The following XYLT1 variants were observed in gnomAD, a reference collection of about 807,000 sequenced individuals.
XYLT1 encodes beta-D-xylosyltransferase 1.
A neutral mutation model predicts 91.3 loss-of-function variants in XYLT1; 36 were observed. The ratio of observed to expected loss-of-function variants is 0.39; its 90% CI spans 0.30 to 0.52. XYLT1 has a LOEUF of 0.52. XYLT1 is among the 20% of genes least tolerant of loss of function. The pLI, the probability that XYLT1 is intolerant of heterozygous loss-of-function variation, is 0.68. For missense variants in XYLT1, 1,242 were observed against 1,284.5 expected (o/e 0.97, Z 0.51); for synonymous variants, 588 against 532.0 (o/e 1.11, Z -1.45).
chr16:17,168,782 T>C (rs2031757975), intron 5 of XYLT1, among the ~76,000 whole-genome samples: 1 of 152,056 alleles, frequency 6.6e-6, no homozygotes, highest in African/African-American at 2.4e-5. Context: ...GCCTCCAGGC[T>C]CCTCTTTACC....
chr16:17,218,212 C>T (rs892259194), intron 3 of XYLT1, among the ~76,000 whole-genome samples: 3 of 151,980 alleles, frequency 2.0e-5, no homozygotes, highest in Non-Finnish European at 1.5e-5. Flanking sequence ...GAGCCAAAAT[C>T]ACACCACTGC....
At chr16:17,130,021 C>T (rs2030411322) in intron 9 of XYLT1, among the ~76,000 whole-genome samples, 1 of 152,242 alleles carries the variant, frequency 6.6e-6, no homozygotes, top group Non-Finnish European at 1.5e-5. Flanking sequence ...TTGCACATTT[C>T]TGTTTGCTTT....
intron 5 of XYLT1, among the ~76,000 whole-genome samples, chr16:17,164,840 G>A (rs1451830938): frequency 2.6e-5 from 4 of 152,186 alleles, no homozygotes; most frequent in African/African-American, 9.7e-5. Flanking sequence ...AGGCACATAT[G>A]GAAGAGGTCA....
chr16:17,450,017 G>C (rs76540163), intron 1 of XYLT1, among the ~76,000 whole-genome samples: 2,883 of 152,288 alleles, frequency 0.019, 39 homozygotes, highest in Non-Finnish European at 0.03. Flanking sequence ...TCCAAGACCA[G>C]CTATGATGGT....
At chr16:17,398,336 G>A (rs1031115937) in intron 1 of XYLT1, among the ~76,000 whole-genome samples, 1 of 152,200 alleles carries the variant, frequency 6.6e-6, no homozygotes, top group Non-Finnish European at 1.5e-5. Context: ...CACAGGGAGG[G>A]TGTTACCTGT....
At chr16:17,142,773 C>T (rs891689646) in intron 6 of XYLT1, among the ~76,000 whole-genome samples, 4 of 152,078 alleles carry the variant, frequency 2.6e-5, no homozygotes, top group East Asian at 3.9e-4. Context: ...TAGTGGTGAG[C>T]ATAAATGATA....
At chr16:17,379,760 C>CTCTCTCTT (rs1342828769) in intron 1 of XYLT1, among the ~76,000 whole-genome samples, 1 of 139,552 alleles carries the variant, frequency 7.2e-6, no homozygotes, top group African/African-American at 3.1e-5. Context: ...CTCTCTCTCT[C>CTCTCTCTT]TCTCACACAC....
rs374328092 is a variant in XYLT1, at chr16:17,358,056, G to C, written c.364-6C>G. The C allele has an allele frequency of 3.1e-6, 5 of 1,612,988 alleles. No homozygotes were observed. The highest frequency in any genetic ancestry group is 1.3e-5 in the African/African-American group (1 of 74,776). On this transcript the variant is annotated splice_polypyrimidine_tract_variant and splice_region_variant and intron_variant, in intron 1 of 11. Transcript: ENST00000261381. ...AGCGGACTTGGGTGTGGATCCTGTAGGATGAAAGGAGAAAATGCACGTGAG... is the reference window on the plus strand; with the variant it reads ...AGCGGACTTGGGTGTGGATCCTGTACGATGAAAGGAGAAAATGCACGTGAG...
chr16:17,239,564 GTCCA>G (rs1221350546), intron 3 of XYLT1, among the ~76,000 whole-genome samples: 3 of 120,806 alleles, frequency 2.5e-5, no homozygotes, highest in South Asian at 5.8e-4. Flanking sequence ...CATCCACCCA[GTCCA>G]TCCATCCATC....
intron 2 of XYLT1, among the ~76,000 whole-genome samples, chr16:17,347,550 TTC>T (rs911450770): frequency 1.3e-5 from 2 of 152,294 alleles, no homozygotes; most frequent in East Asian, 3.9e-4. Flanking sequence ...AGCTATGATC[TTC>T]TCTCTAAAAA....
intron 10 of XYLT1, among the ~76,000 whole-genome samples, chr16:17,123,620 T>C (rs555834525): frequency 1.3e-5 from 2 of 152,220 alleles, no homozygotes; most frequent in South Asian, 2.1e-4. Flanking sequence ...GAATGTTCCA[T>C]GTGCTGATGA....
At chr16:17,366,481 G>A (rs115107265) in intron 1 of XYLT1, among the ~76,000 whole-genome samples, 2,593 of 152,254 alleles carry the variant, frequency 0.017, 54 homozygotes, top group African/African-American at 0.053. Flanking sequence ...GATCACTTGC[G>A]GTCAGGAGGT....
intron 1 of XYLT1, among the ~76,000 whole-genome samples, chr16:17,378,126 C>G (rs900784001): frequency 6.6e-6 from 1 of 151,926 alleles, no homozygotes; most frequent in Non-Finnish European, 1.5e-5. Context: ...AATAAATGTT[C>G]GAGAATGAAA....
intron 1 of XYLT1, among the ~76,000 whole-genome samples, chr16:17,443,372 A>G (rs2036554830): frequency 6.6e-6 from 1 of 152,082 alleles, no homozygotes; most frequent in African/African-American, 2.4e-5. Flanking sequence ...CCTGGTGGGA[A>G]GTGATTGGAT....
chr16:17,350,064 C>T (rs1046987667), intron 2 of XYLT1, among the ~76,000 whole-genome samples: 4 of 151,974 alleles, frequency 2.6e-5, no homozygotes, highest in East Asian at 3.9e-4. Context: ...TTAGTAGAGA[C>T]GGGGTTTCAC....
chr16:17,332,558 T>TCACACACACACA (rs775938130), intron 2 of XYLT1, among the ~76,000 whole-genome samples: 2 of 126,730 alleles, frequency 1.6e-5, no homozygotes, highest in Non-Finnish European at 3.3e-5. Flanking sequence ...CCAGAGTCCA[T>TCACACACACACA]CACACACATA....
At chr16:17,315,317 G>C (rs1251494444) in intron 2 of XYLT1, among the ~76,000 whole-genome samples, 1 of 152,114 alleles carries the variant, frequency 6.6e-6, no homozygotes, top group African/African-American at 2.4e-5. Flanking sequence ...TTGTCACCTT[G>C]TGCATTTGCA....
intron 2 of XYLT1, among the ~76,000 whole-genome samples, chr16:17,265,667 T>C (rs1596456611): frequency 6.6e-6 from 1 of 152,240 alleles, no homozygotes; most frequent in East Asian, 1.9e-4. Flanking sequence ...TTCAATCAGG[T>C]AGAAATATGC....
chr16:17,314,121 G>T (rs547441078), intron 2 of XYLT1, among the ~76,000 whole-genome samples: 4 of 152,198 alleles, frequency 2.6e-5, no homozygotes, highest in Admixed American at 6.5e-5. Flanking sequence ...TACTAGCTTT[G>T]AATTCTAAAG....
Sources: allele counts gnomAD v4.1 joint callset (sites outside exome capture counted in the v4.1 genomes callset), GRCh38; gene constraint gnomAD v4.1.1; transcripts MANE v1.5; gene names NCBI Gene and HGNC (gene_info 2026-07-23, HGNC 2026-07-21).